Variants in CNTNAP2 observed in about 807,000 individuals in gnomAD.
The protein encoded by CNTNAP2 is contactin-associated protein-like 2.
CNTNAP2 carries 98 observed loss-of-function variants against 155.2 expected under a neutral mutation model. The observed-to-expected ratio is 0.63, with a 90% confidence interval of 0.54 to 0.75. The LOEUF (loss-of-function observed/expected upper bound fraction) is 0.75. CNTNAP2 is among the 30% of genes least tolerant of loss of function. The pLI is 0.00. For missense variants in CNTNAP2, 1,727 were observed against 1,688.1 expected, an observed-to-expected ratio of 1.02 and a Z score of -0.40; for synonymous variants, 651 against 631.2, an observed-to-expected ratio of 1.03 and a Z score of -0.47.
intron 13 of CNTNAP2, among the ~76,000 whole-genome samples, chr7:147,804,623 G>T (rs1798061581): frequency 6.6e-6 from 1 of 151,768 alleles, no homozygotes. Flanking sequence ...GTGCGATCTC[G>T]GCTCACTGCA....
chr7:146,926,007 G>A lies in CNTNAP2; in HGVS notation c.402+86103G>A, dbSNP rs751610462. On this transcript the variant is annotated intron_variant, in intron 3 of 23. Transcript: ENST00000361727. ...TCTTGTCCAAACTGGAAGACCAGCC[G>A]TTTCACTATTCAATTTGAAAGTATG... 5.9e-4 allele frequency among the ~76,000 whole-genome samples: 90 copies of A among 152,082 alleles called. 2 individuals are homozygous for A. The highest frequency in any genetic ancestry group is 3.9e-3 in the Admixed American group (59 of 15,260).
At chr7:147,285,141 T>C (rs1218403864) in intron 8 of CNTNAP2, among the ~76,000 whole-genome samples, 1 of 151,728 alleles carries the variant, frequency 6.6e-6, no homozygotes, top group Non-Finnish European at 1.5e-5. Flanking sequence ...TATAAAGCAA[T>C]TTAAGAATAA....
chr7:146,373,195 A>G (rs1364277344), intron 1 of CNTNAP2, among the ~76,000 whole-genome samples: 1 of 152,176 alleles, frequency 6.6e-6, no homozygotes, highest in Non-Finnish European at 1.5e-5. Flanking sequence ...TCTTCCACAA[A>G]CATCTAAGTA....
chr7:147,343,516 C>A (rs1203460104), intron 9 of CNTNAP2, among the ~76,000 whole-genome samples: 1 of 152,124 alleles, frequency 6.6e-6, no homozygotes, highest in East Asian at 1.9e-4. Flanking sequence ...CATCCTGATA[C>A]ACTAGAGAAA....
chr7:147,993,066 A>G (rs1487214483), intron 15 of CNTNAP2, among the ~76,000 whole-genome samples: 1 of 152,220 alleles, frequency 6.6e-6, no homozygotes, highest in Non-Finnish European at 1.5e-5. Context: ...TCTCATTGAC[A>G]TAGCTGAGAT....
intron 21 of CNTNAP2, among the ~76,000 whole-genome samples, chr7:148,363,782 G>A (rs971658766): frequency 6.6e-6 from 1 of 152,038 alleles, no homozygotes; most frequent in East Asian, 1.9e-4. Flanking sequence ...GGCCAAGGCT[G>A]GAGCCCACTC....
At chr7:147,303,904 C>A (rs1794984201) in intron 9 of CNTNAP2, among the ~76,000 whole-genome samples, 1 of 152,224 alleles carries the variant, frequency 6.6e-6, no homozygotes, top group East Asian at 1.9e-4. Flanking sequence ...TTCTGCACCA[C>A]TCAAAGTATT....
intron 1 of CNTNAP2, among the ~76,000 whole-genome samples, chr7:146,159,278 G>A (rs1156638012): frequency 1.3e-5 from 2 of 152,198 alleles, no homozygotes; most frequent in East Asian, 3.8e-4. Context: ...ACCAGCCACT[G>A]CAAAAATATG....
intron 14 of CNTNAP2, among the ~76,000 whole-genome samples, chr7:147,954,318 T>C (rs538108713): frequency 2.0e-5 from 3 of 152,246 alleles, no homozygotes; most frequent in South Asian, 4.1e-4. Context: ...TCAGATGTTA[T>C]GTTATTGCAG....
chr7:147,568,208 T>C (rs940944741), intron 12 of CNTNAP2, among the ~76,000 whole-genome samples: 1 of 152,184 alleles, frequency 6.6e-6, no homozygotes, highest in Non-Finnish European at 1.5e-5. Flanking sequence ...GGAAAATATT[T>C]CCATTGTTAC....
At chr7:146,960,719 T>C (rs1163571540) in intron 3 of CNTNAP2, among the ~76,000 whole-genome samples, 1 of 152,218 alleles carries the variant, frequency 6.6e-6, no homozygotes, top group African/African-American at 2.4e-5. Context: ...CTTGCTATGA[T>C]GTTTCAATAT....
chr7:148,165,655 A>G (rs1805641146), intron 17 of CNTNAP2, among the ~76,000 whole-genome samples: 2 of 152,302 alleles, frequency 1.3e-5, no homozygotes, highest in South Asian at 2.1e-4. Flanking sequence ...CTGAGGCCCA[A>G]ATAGGACCTG....
At chr7:148,400,350 G>A (rs533762236) in intron 22 of CNTNAP2, among the ~76,000 whole-genome samples, 6 of 152,256 alleles carry the variant, frequency 3.9e-5, no homozygotes, top group African/African-American at 9.6e-5. Flanking sequence ...GGCACTTCCC[G>A]AATTTATATT....
intron 22 of CNTNAP2, among the ~76,000 whole-genome samples, chr7:148,386,881 G>T (rs1034381329): frequency 6.6e-6 from 1 of 152,184 alleles, no homozygotes; most frequent in African/African-American, 2.4e-5. Context: ...GCTTAGTAGG[G>T]AAAAGAGGCA....
At chr7:147,458,727 T>C (rs530930321) in intron 10 of CNTNAP2, among the ~76,000 whole-genome samples, 3 of 152,210 alleles carry the variant, frequency 2.0e-5, no homozygotes, top group Non-Finnish European at 4.4e-5. Flanking sequence ...GAAATCGGAA[T>C]CTCATTTATC....
At chr7:147,754,846 A>G (rs570542623) in intron 13 of CNTNAP2, among the ~76,000 whole-genome samples, 1 of 152,342 alleles carries the variant, frequency 6.6e-6, no homozygotes, top group South Asian at 2.1e-4. Flanking sequence ...AATGTTTATG[A>G]GGCTTAGTGA....
intron 13 of CNTNAP2, among the ~76,000 whole-genome samples, chr7:147,698,002 C>A (rs542196636): frequency 2.0e-5 from 3 of 152,076 alleles, no homozygotes; most frequent in Non-Finnish European, 2.9e-5. Flanking sequence ...TCCAGAAGTT[C>A]GTTAATTACA....
chr7:146,902,801 T>C (rs552564765), intron 3 of CNTNAP2, among the ~76,000 whole-genome samples: 32 of 152,322 alleles, frequency 2.1e-4, no homozygotes, highest in Admixed American at 4.6e-4. Flanking sequence ...GTGGCTGCCA[T>C]TGCAGCCTCA....
intron 3 of CNTNAP2, among the ~76,000 whole-genome samples, chr7:146,969,337 C>T (rs909758877): frequency 9.9e-5 from 15 of 152,102 alleles, no homozygotes; most frequent in African/African-American, 3.4e-4. Context: ...CCGCTTGGTG[C>T]AGAGCTGAGT....
Sources: allele counts gnomAD v4.1 joint callset (sites outside exome capture counted in the v4.1 genomes callset), GRCh38; gene constraint gnomAD v4.1.1; transcripts MANE v1.5; gene names NCBI Gene and HGNC (gene_info 2026-07-23, HGNC 2026-07-21).